Variants in ADCY9 observed in about 807,000 individuals in gnomAD.
The protein encoded by ADCY9 is adenylate cyclase 9.
Under a neutral mutation model 101.5 loss-of-function variants are expected in ADCY9, and 50 were observed. The observed-to-expected ratio is 0.49, with a 90% CI of 0.39 to 0.62. The LOEUF is 0.62. Among genes scored for constraint, ADCY9 ranks in the 20% least tolerant of loss-of-function variants. ADCY9 has a pLI of 0.00. For missense variants in ADCY9, 1,662 were observed against 1,800.4 expected (o/e 0.92, Z 1.39); for synonymous variants, 905 against 769.3 (o/e 1.18, Z -2.92).
At chr16:4,072,518 C>A (rs546395103) in intron 2 of ADCY9, among the ~76,000 whole-genome samples, 18 of 152,326 alleles carry the variant, frequency 1.2e-4, no homozygotes, top group Non-Finnish European at 2.1e-4. Flanking sequence ...CAGGGATCCA[C>A]TGTCTCTTCT....
intron 2 of ADCY9, among the ~76,000 whole-genome samples, chr16:4,034,846 G>A (rs932521586): frequency 6.6e-6 from 1 of 152,216 alleles, no homozygotes; most frequent in African/African-American, 2.4e-5. Context: ...AAGGCGGGCT[G>A]TGGACCTTGC....
rs190433727 is a variant in ADCY9, at chr16:4,051,236, A to C, written c.1694-43678T>G. ...TCAAAAAAAACAAAAACAAAAACGA[A>C]AAAACCTGGCCAGGCATGGTGGCTC... On this transcript the variant is annotated intron_variant, in intron 2 of 10. Coordinates refer to ENST00000294016, the MANE Select transcript of ADCY9 (RefSeq NM_001116.4). 2.0e-3 allele frequency among the ~76,000 whole-genome samples: 302 copies of C among 151,652 alleles called. 1 individual carries two copies. The highest frequency in any genetic ancestry group is 3.2e-3 in the Admixed American group (48 of 15,228).
intron 2 of ADCY9, among the ~76,000 whole-genome samples, chr16:4,012,547 T>A (rs1006756046): frequency 6.6e-6 from 1 of 152,098 alleles, no homozygotes; most frequent in African/African-American, 2.4e-5. Flanking sequence ...TGATTTCTTA[T>A]ATTCTTTCCT....
chr16:4,058,906 C>T (rs2108987), intron 2 of ADCY9, among the ~76,000 whole-genome samples: 117,863 of 152,026 alleles, frequency 0.78, 46,073 homozygotes, highest in African/African-American at 0.83. Context: ...GGTAAAGGAA[C>T]TTTGGTAAGA....
At chr16:3,957,933 C>G (rs1461039871), downstream of ADCY9, among the ~76,000 whole-genome samples, 3 of 152,272 alleles carry the variant, frequency 2.0e-5, no homozygotes, top group African/African-American at 7.2e-5. Flanking sequence ...CCCTCTCATC[C>G]TAGAGGGCAC....
At chr16:3,960,801 T>C (rs774982767), downstream of ADCY9, among the ~76,000 whole-genome samples, 1 of 152,156 alleles carries the variant, frequency 6.6e-6, no homozygotes, top group Non-Finnish European at 1.5e-5. Context: ...CATTAACAAC[T>C]CTTTAGAGTC....
chr16:3,957,378 G>A (rs1362014620), intron 5 of ADCY9, among the ~76,000 whole-genome samples: 5 of 152,156 alleles, frequency 3.3e-5, no homozygotes, highest in East Asian at 1.9e-4. Context: ...GCATATTTGC[G>A]TATGTGAAAA....
At chr16:4,063,227 A>C (rs1446528220) in intron 2 of ADCY9, among the ~76,000 whole-genome samples, 1 of 152,210 alleles carries the variant, frequency 6.6e-6, no homozygotes, top group African/African-American at 2.4e-5. Flanking sequence ...AGAAATTAGA[A>C]AACATATCTA....
At chr16:4,047,142 A>G (rs896365456) in intron 2 of ADCY9, among the ~76,000 whole-genome samples, 3 of 152,236 alleles carry the variant, frequency 2.0e-5, no homozygotes, top group African/African-American at 7.2e-5. Flanking sequence ...AAATAGCTTA[A>G]CTATAACCAT....
intron 2 of ADCY9, among the ~76,000 whole-genome samples, chr16:4,043,100 G>A (rs918779089): frequency 5.3e-5 from 8 of 151,860 alleles, no homozygotes; most frequent in East Asian, 1.9e-4. Context: ...GCGTGGTGGC[G>A]GGCGACTGAA....
intron 2 of ADCY9, among the ~76,000 whole-genome samples, chr16:4,032,403 G>A (rs1054119421): frequency 6.4e-4 from 98 of 152,246 alleles, no homozygotes; most frequent in African/African-American, 2.2e-3. Flanking sequence ...GCTGCTGGGT[G>A]GCTGGCTGTG....
chr16:3,966,028 ATGC>A lies in ADCY9; in HGVS notation c.3806_3808del (p.Ser1269del). 6.2e-7 allele frequency: 1 copy of A among 1,614,212 alleles called. No homozygotes were observed. Among genetic ancestry groups the A allele is most frequent in the South Asian group, 1.1e-5 (1 of 91,078 alleles). ...AATCTCGTCTGTGGGAGACCGTCCG[ATGC>A]TGCCATCCACCTGGACGCGGATGTC... On this transcript the variant is annotated inframe_deletion, in exon 11 of 11. Coordinates refer to ENST00000294016, the MANE Select transcript of ADCY9 (RefSeq NM_001116.4).
At chr16:4,094,759 A>G (rs1016210136) in intron 2 of ADCY9, among the ~76,000 whole-genome samples, 3 of 152,146 alleles carry the variant, frequency 2.0e-5, no homozygotes, top group African/African-American at 7.2e-5. Context: ...TCACCCAGGC[A>G]AAGGAGGAAA....
chr16:3,983,293 C>G lies in ADCY9; in HGVS notation c.2458G>C (p.Ala820Pro). 1 of 1,560,032 alleles carries G rather than the reference C, an allele frequency of 6.4e-7. No individual in the cohort carries two copies. The highest frequency in any genetic ancestry group is 8.7e-7 in the Non-Finnish European group (1 of 1,152,318). Residue 820 changes from alanine (A) to proline (P), a missense_variant, in exon 7 of 11, where the codon GCC becomes CCC. By Grantham distance (27) the Ala-to-Pro change is conservative. Coordinates refer to ENST00000294016, the MANE Select transcript of ADCY9 (RefSeq NM_001116.4). Reference protein sequence around the residue: ...EAATVPPPPAALAVFSAALLL... With the variant: ...EAATVPPPPAPLAVFSAALLL... ...AGGGCTGCACTGAAGACCGCCAGGG[C>G]GGCGGGCGGGGGAGGCACGGTGGCC... is the stretch of plus-strand genomic sequence containing the variant.
intron 2 of ADCY9, among the ~76,000 whole-genome samples, chr16:4,106,305 C>T (rs1567150837): frequency 6.6e-6 from 1 of 152,186 alleles, no homozygotes; most frequent in Non-Finnish European, 1.5e-5. Flanking sequence ...CTGCTGTCTG[C>T]AGTCTTCCCA....
At chr16:4,067,902 T>C (rs898949079) in intron 2 of ADCY9, among the ~76,000 whole-genome samples, 1 of 152,198 alleles carries the variant, frequency 6.6e-6, no homozygotes, top group African/African-American at 2.4e-5. Context: ...TAACTCTATG[T>C]TGCACTTTTG....
chr16:3,955,304 C>T (rs1229850769), intron 5 of ADCY9, among the ~76,000 whole-genome samples: 1 of 151,596 alleles, frequency 6.6e-6, no homozygotes, highest in Non-Finnish European at 1.5e-5. Flanking sequence ...GAGAGAGGAC[C>T]ACCTGAGGCC....
At position 4,113,751 on chromosome 16, in the gene ADCY9, T is replaced by C; in HGVS notation, c.1692A>G (p.Lys564=). 1.9e-6 allele frequency: 3 copies of C among 1,611,590 alleles called. No individual in the cohort carries two copies. Among genetic ancestry groups the C allele is most frequent in the African/African-American group, 1.3e-5 (1 of 74,946 alleles). Residue 564 remains lysine, a splice_region_variant and synonymous_variant, in exon 2 of 11, where the codon AAA becomes AAG. Coordinates refer to ENST00000294016, the MANE Select transcript of ADCY9 (RefSeq NM_001116.4). ...LGQSVVADQL[K]GLKTYLISGQ... is the part of the protein sequence containing the mutation. The stretch of plus-strand genomic sequence containing the variant: ...GCCGAGGTAAAGCAGTGCACATACC[T>C]TTCAACTGGTCAGCAACCACGCTCT...
chr16:4,095,748 A>C (rs1440026369), intron 2 of ADCY9, among the ~76,000 whole-genome samples: 1 of 152,098 alleles, frequency 6.6e-6, no homozygotes, highest in Non-Finnish European at 1.5e-5. Context: ...AGGCCAAGGC[A>C]GCTGGATTGC....
Sources: allele counts gnomAD v4.1 joint callset (sites outside exome capture counted in the v4.1 genomes callset), GRCh38; gene constraint gnomAD v4.1.1; transcripts MANE v1.5; gene names NCBI Gene and HGNC (gene_info 2026-07-23, HGNC 2026-07-21).